Variants in PCDHGA5 observed in about 807,000 individuals in gnomAD.
The protein encoded by PCDHGA5 is protocadherin gamma-A5.
Under a neutral mutation model 56.7 loss-of-function variants are expected in PCDHGA5, and 36 were observed. That is an observed-to-expected ratio of 0.64 (90% CI 0.49 to 0.84). The LOEUF (loss-of-function observed/expected upper bound fraction) is 0.84, where lower values mean the gene tolerates loss of function less well. Among genes scored for constraint, PCDHGA5 ranks in the 40% least tolerant of loss-of-function variants. The probability of loss-of-function intolerance (pLI) is 0.00; values close to 1 mark genes in which losing one functional copy is unlikely to be tolerated. For synonymous variants in PCDHGA5, 563 were observed against 520.2 expected (o/e 1.08, Z -1.12); for missense variants, 1,305 against 1,201.5 (o/e 1.09, Z -1.27).
At position 141,431,303 on chromosome 5, in the gene PCDHGA5, G is replaced by T. The variant is rs777784010; in HGVS notation, c.2422-63504G>T. The T allele has an allele frequency of 1.2e-6, 2 of 1,614,060 alleles. No homozygotes were observed. Among genetic ancestry groups the T allele is most frequent in the Non-Finnish European group, 1.7e-6 (2 of 1,180,038 alleles). On this transcript the variant is annotated intron_variant, in intron 1 of 3. Coordinates refer to ENST00000518069, the MANE Select transcript of PCDHGA5 (RefSeq NM_018918.3). The surrounding 1 kb of genome is among the most constrained non-coding windows in gnomAD (Gnocchi z 4.8). ...CCCGAACACTCACTTCTCCCTCATC[G>T]TGCAAAATGGAGCCGACGGTAGTAA...
chr5:141,408,641 T>C, intron 1 of PCDHGA5: 1 of 1,614,034 alleles, frequency 6.2e-7, no homozygotes, highest in Non-Finnish European at 8.5e-7. Context: ...CGAATCTGCA[T>C]CCGCTGGTAC....
In PCDHGA5 at chr5:141,365,896, T is replaced by C; in HGVS notation, c.1566T>C (p.Tyr522=). Residue 522 remains tyrosine (Y), a synonymous_variant, in exon 1 of 4, where the codon TAT becomes TAC. Coordinates refer to ENST00000518069, the MANE Select transcript of PCDHGA5 (RefSeq NM_018918.3). ...TGTATGCTCTGAGATCCTTCGACTATGAGCAGTTGAGAGACCTACAGTTGT... is the reference window on the plus strand; with the variant it reads ...TGTATGCTCTGAGATCCTTCGACTACGAGCAGTTGAGAGACCTACAGTTGT... The part of the protein sequence containing the change: ...GVLYALRSFD[Y]EQLRDLQLWV... 1.9e-6 allele frequency: 3 copies of C among 1,614,212 alleles called. No homozygotes were observed. Among genetic ancestry groups the C allele is most frequent in the Non-Finnish European group, 2.5e-6 (3 of 1,180,028 alleles).
intron 1 of PCDHGA5, chr5:141,426,908 G>C (rs1047101179): frequency 8.8e-6 from 4 of 456,612 alleles, no homozygotes; most frequent in African/African-American, 6.0e-5. Context: ...CTCATCTCCT[G>C]GTCCTGGAAG....
chr5:141,386,424 C>A (rs1233589909), intron 1 of PCDHGA5, among the ~76,000 whole-genome samples: 1 of 151,904 alleles, frequency 6.6e-6, no homozygotes, highest in Non-Finnish European at 1.5e-5. Flanking sequence ...AAGCTGTAGC[C>A]CACCTGCATG....
At chr5:141,427,733 C>T (rs2097062553) in intron 1 of PCDHGA5, 2 of 1,200,562 alleles carry the variant, frequency 1.7e-6, no homozygotes, top group East Asian at 4.7e-5. Context: ...GGCTGAATGG[C>T]CAAGTCTCCT....
rs200519543 is a variant in PCDHGA5, at chr5:141,439,190, C to CAA, written c.2422-55603_2422-55602dup. 3.7e-3 allele frequency among the ~76,000 whole-genome samples: 409 copies of CAA among 111,790 alleles called. 4 individuals are homozygous for CAA. The highest frequency in any genetic ancestry group is 0.029 in the East Asian group (112 of 3,852). The allele number at this position is 111,790 out of a possible 152,430, so 73.3% of individuals were successfully genotyped here. A position where few individuals can be genotyped will look rare whatever the true frequency, so the allele number is the denominator to read the frequency against. On this transcript the variant is annotated intron_variant, in intron 1 of 3. Transcript: ENST00000518069. Reference sequence around the variant, plus strand: ...CCTGGGCGACATAGTGAGACTCTGACAAAAAAAAAAAAAAATCCATATGTG... The same window carrying CAA: ...CCTGGGCGACATAGTGAGACTCTGACAAAAAAAAAAAAAAAAATCCATATGTG...
intron 1 of PCDHGA5, chr5:141,426,979 A>G (rs762085745): frequency 4.2e-5 from 19 of 456,640 alleles, no homozygotes; most frequent in Non-Finnish European, 7.5e-5. Flanking sequence ...GAGGTCACTG[A>G]TGCCAACGAT....
chr5:141,477,656 C>A lies in PCDHGA5; in HGVS notation c.2422-17151C>A. ...AGTGGGTCGCTATTTCACAATAAAT[C>A]GTGACAATGGCATAGTGTCATCCTT... On this transcript the variant is annotated intron_variant, in intron 1 of 3. Transcript: ENST00000518069. The surrounding 1 kb of genome is among the most constrained non-coding windows in gnomAD (Gnocchi z 4.9). 1 of 1,614,184 alleles carries A rather than the reference C, an allele frequency of 6.2e-7. No homozygotes were observed.
chr5:141,489,096 ACT>A lies in PCDHGA5; in HGVS notation c.2422-5710_2422-5709del. The A allele has an allele frequency of 2.0e-6, 1 of 494,278 alleles. No individual in the cohort carries two copies. The allele number at this position is 494,278 out of a possible 1,614,324, so 30.6% of individuals were successfully genotyped here. A position where few individuals can be genotyped will look rare whatever the true frequency, so the allele number is the denominator to read the frequency against. ...CACCCCCGCCACTCGGTGACTAAGA[ACT>A]GCTGCAAGCAGGCAAACCTCCGAGC... On this transcript the variant is annotated intron_variant, in intron 1 of 3. Coordinates refer to ENST00000518069, the MANE Select transcript of PCDHGA5 (RefSeq NM_018918.3). The surrounding 1 kb of genome is among the most constrained non-coding windows in gnomAD (Gnocchi z 4.5).
intron 1 of PCDHGA5, chr5:141,419,335 T>C: frequency 6.2e-7 from 1 of 1,613,886 alleles, no homozygotes; most frequent in Non-Finnish European, 8.5e-7. Context: ...ACTCTCTCAT[T>C]GCCAGCGACC....
chr5:141,392,745 G>A, intron 1 of PCDHGA5: 1 of 1,441,296 alleles, frequency 6.9e-7, no homozygotes, highest in African/African-American at 1.4e-5. Flanking sequence ...CCATAGCTGC[G>A]GCAAGAAACT....
intron 1 of PCDHGA5, among the ~76,000 whole-genome samples, chr5:141,437,236 C>A (rs2154557405): frequency 6.6e-6 from 1 of 152,278 alleles, no homozygotes; most frequent in South Asian, 2.1e-4. Context: ...AAAATTATGT[C>A]AAGGACTTTC....
intron 1 of PCDHGA5, chr5:141,412,854 A>G (rs1356959630): frequency 4.5e-6 from 1 of 223,412 alleles, no homozygotes; most frequent in South Asian, 1.8e-4. Context: ...GAGAAACCAA[A>G]GAATCTATGT....
intron 1 of PCDHGA5, among the ~76,000 whole-genome samples, chr5:141,450,162 A>T (rs2098671900): frequency 6.6e-6 from 1 of 151,624 alleles, no homozygotes; most frequent in Admixed American, 6.6e-5. Flanking sequence ...ATGTGCCACC[A>T]CACTCCCACC....
At chr5:141,398,928 T>C in intron 1 of PCDHGA5, 4 of 1,613,962 alleles carry the variant, frequency 2.5e-6, no homozygotes, top group Non-Finnish European at 3.4e-6. Flanking sequence ...TGTCAGCCAC[T>C]GACCAAGACG....
In PCDHGA5 at chr5:141,366,672, G is replaced by A. The variant is rs202102428; in HGVS notation, c.2342G>A (p.Ser781Asn). ...CCCAACTACGCAGACACGCTCCTTA[G>A]TGAAGAGAGCTGTGAGAAAAGCGAG... Reference protein sequence around the residue: ...PQPNYADTLLSEESCEKSEPL... With the variant: ...PQPNYADTLLNEESCEKSEPL... The change falls in exon 1 of 4, where the codon AGT (serine) becomes AAT (asparagine). Residue 781 changes from serine to asparagine, a missense_variant. Physicochemically the swap from Ser to Asn is conservative, Grantham distance 46. Transcript: ENST00000518069. The A allele has an allele frequency of 1.6e-4, 266 of 1,614,142 alleles. 2 individuals carry two copies. Among genetic ancestry groups the A allele is most frequent in the Non-Finnish European group, 2.9e-5 (34 of 1,180,058 alleles).
rs545524357 is a variant in PCDHGA5, at chr5:141,467,902, G to A, written c.2422-26905G>A. ...TCAAACTCCTGAGCTCAAGAAATCC[G>A]CCCACCTCAGCCTCCCAAAATGCTA... On this transcript the variant is annotated intron_variant, in intron 1 of 3. Coordinates refer to ENST00000518069, the MANE Select transcript of PCDHGA5 (RefSeq NM_018918.3). 1.1e-4 allele frequency among the ~76,000 whole-genome samples: 16 copies of A among 151,862 alleles called. No homozygotes were observed. The East Asian group carries it at 2.3e-3, about 22-fold the overall frequency.
chr5:141,421,219 G>C (rs894586889), intron 1 of PCDHGA5: 1 of 1,573,208 alleles, frequency 6.4e-7, no homozygotes. Context: ...TATCGGCTTA[G>C]AGCCTGCCAT....
intron 1 of PCDHGA5, chr5:141,424,694 T>C (rs2096834568): frequency 6.6e-6 from 1 of 152,252 alleles, no homozygotes; most frequent in East Asian, 1.9e-4. Flanking sequence ...TCTGGCTATT[T>C]TTTTGTTCAT....
Sources: allele counts gnomAD v4.1 joint callset (sites outside exome capture counted in the v4.1 genomes callset), GRCh38; gene constraint gnomAD v4.1.1; non-coding constraint Gnocchi (gnomAD v3.1); transcripts MANE v1.5; gene names NCBI Gene and HGNC (gene_info 2026-07-23, HGNC 2026-07-21).